KIRREL3: variants seen among roughly 807,000 people sequenced by gnomAD.
KIRREL3 encodes kin of IRRE-like protein 3.
KIRREL3 carries 36 observed loss-of-function variants against 89.7 expected under a neutral mutation model. The ratio of observed to expected loss-of-function variants is 0.40; its 90% CI spans 0.31 to 0.53. KIRREL3 has a LOEUF of 0.53. Among genes scored for constraint, KIRREL3 ranks in the 20% least tolerant of loss-of-function variants. The pLI, the probability that KIRREL3 is intolerant of heterozygous loss-of-function variation, is 0.49. For synonymous variants in KIRREL3, 445 were observed against 441.4 expected (o/e 1.01, Z -0.10); for missense variants, 864 against 1,056.6 (o/e 0.82, Z 2.53).
chr11:126,791,465 T>C lies in KIRREL3; in HGVS notation c.55+208990A>G, dbSNP rs1950638902. On this transcript the variant is annotated intron_variant, in intron 1 of 16. Coordinates refer to ENST00000525144, the MANE Select transcript of KIRREL3 (RefSeq NM_032531.4). The surrounding 1 kb of genome is among the most constrained non-coding windows in gnomAD (Gnocchi z 4.8). ...CCAGCCACTCCTGATGGTGACGGCA[T>C]TTGCAGAAAATTGTACATATTGTGC... Among the ~76,000 whole-genome samples, 1 of 152,218 alleles carries C rather than the reference T, an allele frequency of 6.6e-6. No individual in the cohort carries two copies. The highest frequency in any genetic ancestry group is 1.5e-5 in the Non-Finnish European group (1 of 68,038).
intron 1 of KIRREL3, among the ~76,000 whole-genome samples, chr11:126,698,607 T>G (rs1377043998): frequency 1.3e-5 from 2 of 152,120 alleles, no homozygotes; most frequent in Non-Finnish European, 2.9e-5. Context: ...GTGTCTTAGG[T>G]GTCAAGGCCA....
rs555969225 is a variant in KIRREL3 at position 126,640,568 on chromosome 11, G to A, written c.56-77656C>T. 9.9e-4 allele frequency among the ~76,000 whole-genome samples: 151 copies of A among 152,230 alleles called. No homozygotes were observed. The highest frequency in any genetic ancestry group is 2.3e-3 in the Admixed American group (35 of 15,294). On this transcript the variant is annotated intron_variant, in intron 1 of 16. Coordinates refer to ENST00000525144, the MANE Select transcript of KIRREL3 (RefSeq NM_032531.4). This position sits in a 1 kb window ranked among gnomAD's most constrained non-coding sequence, Gnocchi z 4.9. Reference sequence around the variant, plus strand: ...GCTGCTTGTACCTGAAATGTGTGGCGAAGAGGGTCCAGCAGTCAGATTAAT... The same window carrying A: ...GCTGCTTGTACCTGAAATGTGTGGCAAAGAGGGTCCAGCAGTCAGATTAAT...
chr11:126,826,076 T>C (rs1943397386), intron 1 of KIRREL3, among the ~76,000 whole-genome samples: 1 of 152,174 alleles, frequency 6.6e-6, no homozygotes, highest in Non-Finnish European at 1.5e-5. Context: ...GATGCCCCCT[T>C]TCCAAAGAAG....
intron 1 of KIRREL3, among the ~76,000 whole-genome samples, chr11:126,625,559 T>A (rs1321921337): frequency 6.6e-6 from 1 of 152,170 alleles, no homozygotes; most frequent in Non-Finnish European, 1.5e-5. Flanking sequence ...AAGACTTCCA[T>A]CAGCCCCTCT....
rs1297512371 is a variant in KIRREL3, at chr11:126,684,360, A to G, written c.56-121448T>C. ...CAGCAGAATCCTTATCACAAAGCCA[A>G]TGGAAACAAAGAAGTGATACATTAA... On this transcript the variant is annotated intron_variant, in intron 1 of 16. Coordinates refer to ENST00000525144, the MANE Select transcript of KIRREL3 (RefSeq NM_032531.4). The surrounding 1 kb of genome is among the most constrained non-coding windows in gnomAD (Gnocchi z 4.2). 6.6e-6 allele frequency among the ~76,000 whole-genome samples: 1 copy of G among 152,216 alleles called. No homozygotes were observed. The highest frequency in any genetic ancestry group is 1.5e-5 in the Non-Finnish European group (1 of 68,042).
intron 6 of KIRREL3, among the ~76,000 whole-genome samples, chr11:126,460,104 G>A (rs561828404): frequency 3.8e-4 from 58 of 152,208 alleles, no homozygotes; most frequent in Admixed American, 1.0e-3. Flanking sequence ...GAGGAGGAGC[G>A]GGAGCAGGAG....
chr11:126,904,927 T>C lies in KIRREL3; in HGVS notation c.55+95528A>G, dbSNP rs1946514852. Among the ~76,000 whole-genome samples, 1 of 146,006 alleles carries C rather than the reference T, an allele frequency of 6.8e-6. No individual in the cohort carries two copies. The highest frequency in any genetic ancestry group is 1.5e-5 in the Non-Finnish European group (1 of 65,952). ...TAAGTATATAATAAATAACTGACTA[T>C]CCATGATGGGGATGATGATGATGAT... On this transcript the variant is annotated intron_variant, in intron 1 of 16. Coordinates refer to ENST00000525144, the MANE Select transcript of KIRREL3 (RefSeq NM_032531.4). The surrounding 1 kb of genome is among the most constrained non-coding windows in gnomAD (Gnocchi z 4.4).
In KIRREL3 at chr11:126,615,989, C is replaced by T. The variant is rs1447445595; in HGVS notation, c.56-53077G>A. ...TGTGGGGTGCGTGGGTGGGGAGATG[C>T]ATGACTGCTTTGGTTATGAAACATT... On this transcript the variant is annotated intron_variant, in intron 1 of 16. Coordinates refer to ENST00000525144, the MANE Select transcript of KIRREL3 (RefSeq NM_032531.4). This position sits in a 1 kb window ranked among gnomAD's most constrained non-coding sequence, Gnocchi z 5.4. Among the ~76,000 whole-genome samples, 1 of 152,086 alleles carries T rather than the reference C, an allele frequency of 6.6e-6. No homozygotes were observed. Among genetic ancestry groups the T allele is most frequent in the African/African-American group, 2.4e-5 (1 of 41,420 alleles).
chr11:126,772,788 G>C lies in KIRREL3; in HGVS notation c.56-209876C>G, dbSNP rs143945641. 1.3e-5 allele frequency among the ~76,000 whole-genome samples: 2 copies of C among 152,170 alleles called. No individual in the cohort carries two copies. Among genetic ancestry groups the C allele is most frequent in the African/African-American group, 4.8e-5 (2 of 41,450 alleles). ...CTTCTGCTTCCTCCTGCCCTGAGGA[G>C]TTTCTTCCTCTGATTCCTTGGTTTT... On this transcript the variant is annotated intron_variant, in intron 1 of 16. Coordinates refer to ENST00000525144, the MANE Select transcript of KIRREL3 (RefSeq NM_032531.4). This position sits in a 1 kb window ranked among gnomAD's most constrained non-coding sequence, Gnocchi z 4.6.
At position 126,807,501 on chromosome 11, in the gene KIRREL3, T is replaced by C. The variant is rs1951240186; in HGVS notation, c.55+192954A>G. Among the ~76,000 whole-genome samples the C allele has an allele frequency of 6.6e-6, 1 of 152,140 alleles. No homozygotes were observed. Among genetic ancestry groups the C allele is most frequent in the Non-Finnish European group, 1.5e-5 (1 of 68,026 alleles). On this transcript the variant is annotated intron_variant, in intron 1 of 16. Transcript: ENST00000525144. This position sits in a 1 kb window ranked among gnomAD's most constrained non-coding sequence, Gnocchi z 4.3. ...TTAAAAATCTGTTTCAATATAAAAATATAAAAAGTCACCCCAAATCTCCCA... is the reference window on the plus strand; with the variant it reads ...TTAAAAATCTGTTTCAATATAAAAACATAAAAAGTCACCCCAAATCTCCCA...
intron 1 of KIRREL3, among the ~76,000 whole-genome samples, chr11:126,882,918 G>A (rs1263772718): frequency 1.3e-5 from 2 of 152,152 alleles, no homozygotes; most frequent in Admixed American, 6.5e-5. Context: ...TGACTTGTTG[G>A]ACATTCAATG....
At chr11:126,600,649 G>T (rs1318930626) in intron 1 of KIRREL3, among the ~76,000 whole-genome samples, 2 of 152,014 alleles carry the variant, frequency 1.3e-5, no homozygotes, top group African/African-American at 4.8e-5. Context: ...AAACATACAT[G>T]ATCAGAAAAA....
chr11:126,445,137 G>A (rs1955741436), intron 9 of KIRREL3, 32 bp from the exon 10 acceptor site: 1 of 1,611,102 alleles, frequency 6.2e-7, no homozygotes, highest in African/African-American at 1.3e-5. Flanking sequence ...GATGCCAAGA[G>A]CAGGCGGAGG....
In KIRREL3 at chr11:126,989,563, C is replaced by T. The variant is rs1274347136; in HGVS notation, c.55+10892G>A. ...GTGGATTGTTCCCATGGTGGCTGCACCTTTCCTTCATTCTATTCCCGCTAT... is the reference window on the plus strand; with the variant it reads ...GTGGATTGTTCCCATGGTGGCTGCATCTTTCCTTCATTCTATTCCCGCTAT... On this transcript the variant is annotated intron_variant, in intron 1 of 16. Coordinates refer to ENST00000525144, the MANE Select transcript of KIRREL3 (RefSeq NM_032531.4). This position sits in a 1 kb window ranked among gnomAD's most constrained non-coding sequence, Gnocchi z 6.2. Among the ~76,000 whole-genome samples, 1 of 152,232 alleles carries T rather than the reference C, an allele frequency of 6.6e-6. No individual in the cohort carries two copies. The highest frequency in any genetic ancestry group is 2.4e-5 in the African/African-American group (1 of 41,458).
rs1950020878 is a variant in KIRREL3 at position 126,771,508 on chromosome 11, A to G, written c.56-208596T>C. ...TTGGCTTTGCTGTACAGATTGGTGCAAAAATAATCACAATTTTTGCCATTA... is the reference window on the plus strand; with the variant it reads ...TTGGCTTTGCTGTACAGATTGGTGCGAAAATAATCACAATTTTTGCCATTA... On this transcript the variant is annotated intron_variant, in intron 1 of 16. Transcript: ENST00000525144. The surrounding 1 kb of genome is among the most constrained non-coding windows in gnomAD (Gnocchi z 4.4). Among the ~76,000 whole-genome samples, 1 of 152,186 alleles carries G rather than the reference A, an allele frequency of 6.6e-6. No individual in the cohort carries two copies.
chr11:126,653,542 G>A lies in KIRREL3; in HGVS notation c.56-90630C>T, dbSNP rs1277925498. On this transcript the variant is annotated intron_variant, in intron 1 of 16. Transcript: ENST00000525144. This position sits in a 1 kb window ranked among gnomAD's most constrained non-coding sequence, Gnocchi z 5.4. ...AAAGAGCAATATAAACACCAGATACGGAATGAGAAAAAAGCGGCACCGGAA... is the reference window on the plus strand; with the variant it reads ...AAAGAGCAATATAAACACCAGATACAGAATGAGAAAAAAGCGGCACCGGAA... Among the ~76,000 whole-genome samples the A allele has an allele frequency of 6.6e-6, 1 of 152,166 alleles. No homozygotes were observed. The highest frequency in any genetic ancestry group is 1.5e-5 in the Non-Finnish European group (1 of 68,032).
rs61897890 is a variant in KIRREL3, at chr11:126,723,749, T to C, written c.56-160837A>G. Among the ~76,000 whole-genome samples, 11,472 of 152,164 alleles carry C rather than the reference T, an allele frequency of 0.075. 667 individuals carry two copies. The highest frequency in any genetic ancestry group is 0.16 in the African/African-American group (6,735 of 41,484). On this transcript the variant is annotated intron_variant, in intron 1 of 16. Transcript: ENST00000525144. The surrounding 1 kb of genome is among the most constrained non-coding windows in gnomAD (Gnocchi z 4.0). Reference sequence around the variant, plus strand: ...TCATTGAGTTACATAAATGATACAATATGAAAAGAGAAGGGAAGAAGGAAA... The same window carrying C: ...TCATTGAGTTACATAAATGATACAACATGAAAAGAGAAGGGAAGAAGGAAA...
intron 1 of KIRREL3, among the ~76,000 whole-genome samples, chr11:126,804,947 T>C (rs1951159142): frequency 6.6e-6 from 1 of 152,044 alleles, no homozygotes; most frequent in Admixed American, 6.6e-5. Context: ...GATCAGAGGG[T>C]GGATGAGGTC....
Position 126,462,106 on chromosome 11 carries a change from A to C in KIRREL3, c.742+1051T>G, listed in dbSNP as rs966122865. On this transcript the variant is annotated intron_variant, in intron 6 of 16. Coordinates refer to ENST00000525144, the MANE Select transcript of KIRREL3 (RefSeq NM_032531.4). The surrounding 1 kb of genome is among the most constrained non-coding windows in gnomAD (Gnocchi z 4.8). ...TCTGGGGCTGACAGGCACCTTAGGG[A>C]GACTTTTAGGAGACTTTCAGGGGTC... is the stretch of plus-strand genomic sequence containing the variant. Among the ~76,000 whole-genome samples, 2 of 152,058 alleles carry C rather than the reference A, an allele frequency of 1.3e-5. No homozygotes were observed. The highest frequency in any genetic ancestry group is 2.9e-5 in the Non-Finnish European group (2 of 67,996).
Sources: gnomAD v4.1 joint callset for allele counts (sites outside exome capture counted in the v4.1 genomes callset) on GRCh38, gnomAD v4.1.1 for gene constraint, Gnocchi (gnomAD v3.1) non-coding constraint, MANE v1.5 for transcripts, NCBI Gene and HGNC (gene_info 2026-07-23, HGNC 2026-07-21) for gene names.